The following WTAP variants were observed in gnomAD, a reference collection of about 807,000 sequenced individuals.
WTAP encodes pre-mRNA-splicing regulator WTAP.
In WTAP, 8 loss-of-function variants were observed where a neutral mutation model predicts 50.0. That is an observed-to-expected ratio of 0.16 (90% CI 0.09 to 0.29). WTAP has a LOEUF of 0.29. WTAP is among the 10% of genes least tolerant of loss of function. WTAP has a pLI of 1.00. For synonymous variants in WTAP, 194 were observed against 169.0 expected, an observed-to-expected ratio of 1.15 and a Z score of -1.15; for missense variants, 295 against 470.7, an observed-to-expected ratio of 0.63 and a Z score of 3.45.
intron 1 of WTAP, among the ~76,000 whole-genome samples, chr6:159,732,176 C>G (rs969191300): frequency 2.7e-4 from 41 of 152,040 alleles, no homozygotes; most frequent in Non-Finnish European, 1.3e-4. Context: ...TGAAAAAAAT[C>G]CAAATATAAA....
Position 159,727,697 on chromosome 6 carries a change from T to C in WTAP, c.-15T>C. 1 of 982,960 alleles carries C rather than the reference T, an allele frequency of 1.0e-6. No individual in the cohort carries two copies. Among genetic ancestry groups the C allele is most frequent in the Non-Finnish European group, 1.2e-6 (1 of 829,532 alleles). 60.9% of individuals were successfully genotyped at this position (982,960 alleles called of 1,614,324 possible). ...CGGTGGCGCCGGCGCGGCTTCTGCC[T>C]GGAGAGGTAGGCGCGGGCCGGCTGG... On this transcript the variant is annotated 5_prime_UTR_variant, in exon 1 of 8. Coordinates refer to ENST00000621533, the MANE Select transcript of WTAP (RefSeq NM_001270531.2).
intron 4 of WTAP, among the ~76,000 whole-genome samples, chr6:159,742,796 C>G (rs1779339473): frequency 6.6e-6 from 1 of 152,006 alleles, no homozygotes; most frequent in Admixed American, 6.6e-5. Context: ...TGGCTCACAC[C>G]TATAATCCCA....
rs67554039 is a variant in WTAP, at chr6:159,732,886, A to AGTGTGTGTGTGTGTGTGT, written c.-8-3357_-8-3340dup. On this transcript the variant is annotated intron_variant, in intron 1 of 7. Transcript: ENST00000621533. ...TCTCTCTCTCTCTGTATATATATATAGTGTGTGTGTGTGTGTGTGTGTGTG... is the reference window on the plus strand; with the variant it reads ...TCTCTCTCTCTCTGTATATATATATAGTGTGTGTGTGTGTGTGTGTGTGTGTGTGTGTGTGTGTGTGTG... Among the ~76,000 whole-genome samples, 223 of 146,484 alleles carry AGTGTGTGTGTGTGTGTGT rather than the reference A, an allele frequency of 1.5e-3. 1 individual carries two copies. Among genetic ancestry groups the AGTGTGTGTGTGTGTGTGT allele is most frequent in the Middle Eastern group, 6.8e-3 (2 of 292 alleles).
chr6:159,727,234 T>A (rs1199703084), upstream of WTAP: 1 of 1,274,912 alleles, frequency 7.8e-7, no homozygotes, highest in Non-Finnish European at 1.0e-6. Flanking sequence ...GAGGCCCCGA[T>A]CGGGCTAGGC....
At position 159,755,125 on chromosome 6, in the gene WTAP, G is replaced by A; in HGVS notation, c.705G>A (p.Gln235=). The change falls in exon 8 of 8, where the codon CAG becomes CAA. Residue 235 remains glutamine (Q), a synonymous_variant. Transcript: ENST00000621533. The stretch of plus-strand genomic sequence containing the variant: ...AGCAGCTGAAGGAGACACGCCAGCA[G>A]TTGGCTCAGTACCAGCAGCAGCAGT... The part of the protein sequence containing the change: ...LQQQLKETRQ[Q]LAQYQQQQSQ... 6.2e-7 allele frequency: 1 copy of A among 1,614,222 alleles called. No homozygotes were observed. The highest frequency in any genetic ancestry group is 8.5e-7 in the Non-Finnish European group (1 of 1,180,032).
chr6:159,749,905 A>C (rs1779759572), intron 6 of WTAP, among the ~76,000 whole-genome samples: 1 of 152,208 alleles, frequency 6.6e-6, no homozygotes, highest in African/African-American at 2.4e-5. Flanking sequence ...CTTGGTGATA[A>C]TGGAGTCTAA....
intron 1 of WTAP, among the ~76,000 whole-genome samples, chr6:159,729,724 A>G (rs1461063205): frequency 6.6e-6 from 1 of 152,240 alleles, no homozygotes; most frequent in Admixed American, 6.5e-5. Context: ...TAAGGAAAAG[A>G]TGGCCTTTCA....
intron 5 of WTAP, among the ~76,000 whole-genome samples, chr6:159,746,866 A>G (rs906721956): frequency 1.3e-5 from 2 of 152,188 alleles, no homozygotes; most frequent in Admixed American, 1.3e-4. Flanking sequence ...CATGAATGAA[A>G]GTGTTGACTA....
At chr6:159,743,545 T>G in intron 4 of WTAP, 120 bp from the exon 5 acceptor site, 2 of 960,568 alleles carry the variant, frequency 2.1e-6, no homozygotes, top group Non-Finnish European at 3.0e-6. Flanking sequence ...GTTATAAAAG[T>G]AGTTAGGATG....
In WTAP at chr6:159,743,660, A is replaced by T; in HGVS notation, c.146-5A>T. The T allele has an allele frequency of 6.3e-7, 1 of 1,584,524 alleles. No homozygotes were observed. The highest frequency in any genetic ancestry group is 8.5e-7 in the Non-Finnish European group (1 of 1,169,970). On this transcript the variant is annotated splice_polypyrimidine_tract_variant and splice_region_variant and intron_variant, in intron 4 of 7. Transcript: ENST00000621533. ...TGTATTTATAATTTTTTTTTGAATC[A>T]TCAGCTAATGATGTAACTGGCCTAA...
intron 6 of WTAP, among the ~76,000 whole-genome samples, chr6:159,751,928 G>A (rs542557968): frequency 5.9e-5 from 9 of 152,114 alleles, no homozygotes; most frequent in African/African-American, 1.4e-4. Flanking sequence ...GGGGGTGCTC[G>A]TGCACACCTA....
At chr6:159,739,896 C>T (rs760047796) in intron 3 of WTAP, among the ~76,000 whole-genome samples, 1 of 129,556 alleles carries the variant, frequency 7.7e-6, no homozygotes, top group Non-Finnish European at 1.6e-5. Flanking sequence ...CATTGCATAC[C>T]TTTGTCTTTC....
At chr6:159,727,003 T>G (rs1486721439), upstream of WTAP, 2 of 1,264,122 alleles carry the variant, frequency 1.6e-6, no homozygotes. Context: ...CCCAGATCCC[T>G]CCGCACGAGG....
intron 1 of WTAP, among the ~76,000 whole-genome samples, chr6:159,727,968 C>G (rs1322429): frequency 0.21 from 31,424 of 152,230 alleles, 3,382 homozygotes; most frequent in East Asian, 0.41. Flanking sequence ...CGGCCACTCA[C>G]GGAGGCCGGA....
Position 159,748,650 on chromosome 6 carries a change from G to C in WTAP, c.452+281G>C. ...CCACCTCCGAAAAATTCCCCTTCTAGAACATGTAGACACTTGAGAAATGTT... is the reference window on the plus strand; with the variant it reads ...CCACCTCCGAAAAATTCCCCTTCTACAACATGTAGACACTTGAGAAATGTT... On this transcript the variant is annotated intron_variant, in intron 6 of 7. Coordinates refer to ENST00000621533, the MANE Select transcript of WTAP (RefSeq NM_001270531.2). The surrounding 1 kb of genome is among the most constrained non-coding windows in gnomAD (Gnocchi z 5.6). 2 of 1,283,234 alleles carry C rather than the reference G, an allele frequency of 1.6e-6. No individual in the cohort carries two copies. Among genetic ancestry groups the C allele is most frequent in the Non-Finnish European group, 2.0e-6 (2 of 1,017,592 alleles). The allele number at this position is 1,283,234 out of a possible 1,614,324, so 79.5% of individuals were successfully genotyped here.
chr6:159,727,487 G>T (rs551715992), upstream of WTAP: 7,029 of 993,714 alleles, frequency 7.1e-3, 35 homozygotes, highest in Non-Finnish European at 7.9e-3. Flanking sequence ...GGCGGGGCCG[G>T]GCGGCGGGGC....
At position 159,755,131 on chromosome 6, in the gene WTAP, T is replaced by G. The variant is rs1337799029; in HGVS notation, c.711T>G (p.Ala237=). 5 of 1,614,038 alleles carry G rather than the reference T, an allele frequency of 3.1e-6. No individual in the cohort carries two copies. Among genetic ancestry groups the G allele is most frequent in the Non-Finnish European group, 4.2e-6 (5 of 1,180,032 alleles). ...QQLKETRQQL[A]QYQQQQSQAS... is the part of the protein sequence containing the mutation. ...TGAAGGAGACACGCCAGCAGTTGGC[T>G]CAGTACCAGCAGCAGCAGTCTCAGG... is the stretch of plus-strand genomic sequence containing the variant. Residue 237 remains alanine, a synonymous_variant, in exon 8 of 8, where the codon GCT becomes GCG. Coordinates refer to ENST00000621533, the MANE Select transcript of WTAP (RefSeq NM_001270531.2).
At chr6:159,744,616 A>G (rs1187337963) in intron 5 of WTAP, among the ~76,000 whole-genome samples, 5 of 152,362 alleles carry the variant, frequency 3.3e-5, no homozygotes, top group East Asian at 1.9e-4. Flanking sequence ...AATTTCCACA[A>G]AAGCACGTAT....
rs773630916 is a variant in WTAP at position 159,748,265 on chromosome 6, G to A, written c.348G>A (p.Ala116=). Residue 116 remains alanine (A), a synonymous_variant, in exon 6 of 8, where the codon GCG becomes GCA. Coordinates refer to ENST00000621533, the MANE Select transcript of WTAP (RefSeq NM_001270531.2). The surrounding 1 kb of genome is among the most constrained non-coding windows in gnomAD (Gnocchi z 5.6). ...TGAGATCAACAATGGTAGACCCAGC[G>A]ATCAACTTGTTTTTCCTAAAAATGA... The part of the protein sequence containing the change: ...AQLRSTMVDP[A]INLFFLKMKG... 3.6e-5 allele frequency: 58 copies of A among 1,613,878 alleles called. No homozygotes were observed. The highest frequency in any genetic ancestry group is 4.3e-5 in the Non-Finnish European group (51 of 1,179,976).
Sources: allele counts gnomAD v4.1 joint callset (sites outside exome capture counted in the v4.1 genomes callset), GRCh38; gene constraint gnomAD v4.1.1; non-coding constraint Gnocchi (gnomAD v3.1); transcripts MANE v1.5; gene names NCBI Gene and HGNC (gene_info 2026-07-23, HGNC 2026-07-21).